The following PIK3C2B variants were observed in gnomAD, a reference collection of about 807,000 sequenced individuals.
PIK3C2B encodes phosphatidylinositol-4-phosphate 3-kinase catalytic subunit type 2 beta.
In PIK3C2B, 83 loss-of-function variants were observed where a neutral mutation model predicts 184.3. The ratio of observed to expected loss-of-function variants is 0.45; its 90% confidence interval spans 0.38 to 0.54. The LOEUF is 0.54. PIK3C2B is among the 20% of genes least tolerant of loss of function. The pLI is 0.00. For missense variants in PIK3C2B, 1,736 were observed against 2,113.5 expected (o/e 0.82, Z 3.50); for synonymous variants, 779 against 837.6 (o/e 0.93, Z 1.21).
At chr1:204,440,450 GC>G in intron 21 of PIK3C2B, 129 bp from the exon 22 acceptor site, 1 of 844,004 alleles carries the variant, frequency 1.2e-6, no homozygotes, top group Non-Finnish European at 1.8e-6. Context: ...CCCCTGACCT[GC>G]TCACTCAGCT....
At chr1:204,442,423 G>A (rs1675715177) in intron 20 of PIK3C2B, 103 bp downstream of exon 20, 23 of 724,364 alleles carry the variant, frequency 3.2e-5, no homozygotes, top group South Asian at 9.9e-5. Flanking sequence ...ACATACTGAC[G>A]CCCAGACAAC....
At chr1:204,487,807 G>T (rs1392582743) in intron 1 of PIK3C2B, among the ~76,000 whole-genome samples, 2 of 152,028 alleles carry the variant, frequency 1.3e-5, no homozygotes, top group Non-Finnish European at 2.9e-5. Flanking sequence ...GAGCTTATAG[G>T]ATTACCCCAC....
rs1403556784 is a variant in PIK3C2B at position 204,433,878 on chromosome 1, C to T, written c.3758G>A (p.Arg1253His). The T allele has an allele frequency of 2.5e-6, 4 of 1,613,970 alleles. No individual in the cohort carries two copies. Among genetic ancestry groups the T allele is most frequent in the South Asian group, 1.1e-5 (1 of 91,062 alleles). The change falls in exon 25 of 33, where the codon CGC becomes CAC. Residue 1253 changes from arginine (R) to histidine (H), a missense_variant. Physicochemically the swap from Arg to His is conservative, Grantham distance 29. Around this residue, in one of 8 missense-constraint regions of PIK3C2B, gnomAD observed 119 missense variants for 179.3 expected, o/e 0.66. Transcript: ENST00000684373. This position sits in a 1 kb window ranked among gnomAD's most constrained non-coding sequence, Gnocchi z 5.0. ...GCAAAGGTCAACAAAATCATGGAAG[C>T]GGCTGGAAGGCTTGTCACCCCCGTT... ...VINGGDKPSS[R>H]FHDFVDLCCQ... is the part of the protein sequence containing the mutation.
Position 204,446,070 on chromosome 1 carries a change from A to G in PIK3C2B, c.2564T>C (p.Leu855Pro). Residue 855 changes from leucine (L) to proline (P), a missense_variant, in exon 16 of 33, where the codon CTG becomes CCG. Coordinates refer to ENST00000684373, the MANE Select transcript of PIK3C2B (RefSeq NM_001377334.1). ...CCAGCTGGGGGCGCTGGCGAGCACC[A>G]GGGGGAGCGAGCTCACCTCCGAGTG... ...YCHSEVSSLP[L>P]VLASAPSWEW... is the part of the protein sequence containing the mutation. 6.2e-7 allele frequency: 1 copy of G among 1,600,126 alleles called. No individual in the cohort carries two copies. The highest frequency in any genetic ancestry group is 8.5e-7 in the Non-Finnish European group (1 of 1,170,830).
intron 13 of PIK3C2B, 123 bp downstream of exon 13, chr1:204,449,727 A>G (rs959741977): frequency 1.2e-6 from 1 of 863,628 alleles, no homozygotes. Flanking sequence ...TCTGGACTTC[A>G]CCAGTGAGCC....
intron 8 of PIK3C2B, 76 bp from the exon 9 acceptor site, chr1:204,457,950 C>T (rs1350544529): frequency 2.2e-6 from 3 of 1,361,680 alleles, no homozygotes; most frequent in Non-Finnish European, 3.1e-6. Context: ...CCACCCCAGT[C>T]TTTAAAGGAA....
chr1:204,445,035 G>A (rs1653731009), intron 16 of PIK3C2B, among the ~76,000 whole-genome samples: 2 of 152,144 alleles, frequency 1.3e-5, no homozygotes, highest in South Asian at 2.1e-4. Flanking sequence ...ATCTAAGACT[G>A]GAAGCCTTGG....
At position 204,424,076 on chromosome 1, in the gene PIK3C2B, C is replaced by G. The variant is rs1674620656; in HGVS notation, c.*776G>C. 2 of 152,956 alleles carry G rather than the reference C, an allele frequency of 1.3e-5. No homozygotes were observed. The highest frequency in any genetic ancestry group is 2.1e-4 in the South Asian group (1 of 4,832). The allele number at this position is 152,956 out of a possible 1,614,324, so 9.5% of individuals were successfully genotyped here. A position where few individuals can be genotyped will look rare whatever the true frequency, so the allele number is the denominator to read the frequency against. On this transcript the variant is annotated 3_prime_UTR_variant, in exon 33 of 33. Coordinates refer to ENST00000684373, the MANE Select transcript of PIK3C2B (RefSeq NM_001377334.1). ...GTAGGGAAGACAAGAGGAAAAGTCC[C>G]CCCAAAAGAGCATGGGTCCCTGAAT...
intron 24 of PIK3C2B, 143 bp from the exon 25 acceptor site, chr1:204,434,092 T>C: frequency 3.0e-6 from 2 of 673,584 alleles, no homozygotes; most frequent in Non-Finnish European, 5.2e-6. Context: ...TCTTTGTTCC[T>C]TTCCTACCTT....
At position 204,447,653 on chromosome 1, in the gene PIK3C2B, C is replaced by T. The variant is rs866652234; in HGVS notation, c.2347-75G>A. ...GGACTCCCAGCTTCTTTCTCTCACC[C>T]CAGCATTCCGGCCTTGTCCCTCCCT... On this transcript the variant is annotated intron_variant, in intron 14 of 32. Coordinates refer to ENST00000684373, the MANE Select transcript of PIK3C2B (RefSeq NM_001377334.1). The surrounding 1 kb of genome is among the most constrained non-coding windows in gnomAD (Gnocchi z 4.1). The T allele has an allele frequency of 9.3e-7, 1 of 1,074,542 alleles. No individual in the cohort carries two copies. Among genetic ancestry groups the T allele is most frequent in the Non-Finnish European group, 1.4e-6 (1 of 716,380 alleles). 66.6% of individuals were successfully genotyped at this position (1,074,542 alleles called of 1,614,324 possible).
chr1:204,429,320 A>G (rs1442434369), intron 29 of PIK3C2B, among the ~76,000 whole-genome samples: 4 of 152,236 alleles, frequency 2.6e-5, no homozygotes, highest in Non-Finnish European at 5.9e-5. Flanking sequence ...TAAAATGGTT[A>G]AGATTATGGT....
chr1:204,465,166 C>A, intron 3 of PIK3C2B, 53 bp downstream of exon 3: 1 of 752,506 alleles, frequency 1.3e-6, no homozygotes, highest in East Asian at 3.2e-5. Flanking sequence ...GGATGGCCCC[C>A]CTCCCCATCC....
rs1485824717 is a variant in PIK3C2B, at chr1:204,464,562, G to C, written c.1077C>G (p.Gly359=). ...GSDIQDYFLT[G]YVWSAVTPSP... ...TAGGGGTGACAGCACTCCAGACATA[G>C]CCAGTGAGGAAGTAGTCTTGGATGT... Residue 359 remains glycine, a synonymous_variant, in exon 4 of 33, where the codon GGC becomes GGG. Transcript: ENST00000684373. 6.2e-7 allele frequency: 1 copy of C among 1,614,060 alleles called. No homozygotes were observed. The highest frequency in any genetic ancestry group is 8.5e-7 in the Non-Finnish European group (1 of 1,179,932).
Position 204,468,935 on chromosome 1 carries a change from C to T in PIK3C2B, c.868G>A (p.Ala290Thr), listed in dbSNP as rs757728026. ...MPPQVPPRTY[A>T]SRYGNRKNAT... ...TTCTTTCGGTTGCCATAGCGGGAGG[C>T]ATAGGTGCGGGGGGGCACCTGAGGG... The change falls in exon 2 of 33, where the codon GCC becomes ACC. Residue 290 changes from alanine (A) to threonine (T), a missense_variant. Around this residue, in one of 8 missense-constraint regions of PIK3C2B, gnomAD observed 404 missense variants for 418.0 expected, o/e 0.97. Transcript: ENST00000684373. 26 of 1,612,356 alleles carry T rather than the reference C, an allele frequency of 1.6e-5. No individual in the cohort carries two copies. In the African/African-American group the frequency reaches 3.1e-4, roughly 19 times the overall value.
rs1252529525 is a variant in PIK3C2B, at chr1:204,447,386, C to CT, written c.2489+49dup. 1.9e-6 allele frequency: 3 copies of CT among 1,577,426 alleles called. No individual in the cohort carries two copies. The highest frequency in any genetic ancestry group is 2.6e-6 in the Non-Finnish European group (3 of 1,151,158). On this transcript the variant is annotated intron_variant, in intron 15 of 32. Coordinates refer to ENST00000684373, the MANE Select transcript of PIK3C2B (RefSeq NM_001377334.1). This position sits in a 1 kb window ranked among gnomAD's most constrained non-coding sequence, Gnocchi z 4.1. ...AAAGCAGGAGGACGGAGACTCAGTGCTGGGAGGTCAGATGAAACATGACAG... is the reference window on the plus strand; with the variant it reads ...AAAGCAGGAGGACGGAGACTCAGTGCTTGGGAGGTCAGATGAAACATGACAG...
intron 31 of PIK3C2B, among the ~76,000 whole-genome samples, chr1:204,426,163 T>C (rs1219973765): frequency 6.6e-6 from 1 of 152,212 alleles, no homozygotes; most frequent in Non-Finnish European, 1.5e-5. Flanking sequence ...CAACTAGTGA[T>C]TCACCCAGCC....
intron 12 of PIK3C2B, among the ~76,000 whole-genome samples, chr1:204,452,161 A>C (rs1379837745): frequency 6.6e-6 from 1 of 152,064 alleles, no homozygotes; most frequent in East Asian, 1.9e-4. Flanking sequence ...CAAGGTGGGG[A>C]TCTCAGGGAA....
chr1:204,425,163 C>T (rs967102892), intron 32 of PIK3C2B, 123 bp from the exon 33 acceptor site: 8 of 707,726 alleles, frequency 1.1e-5, no homozygotes, highest in Non-Finnish European at 1.9e-5. Context: ...AGCACTCACC[C>T]TGCAGAGTCC....
chr1:204,478,512 T>C (rs1468542045), intron 1 of PIK3C2B, among the ~76,000 whole-genome samples: 1 of 152,242 alleles, frequency 6.6e-6, no homozygotes, highest in Non-Finnish European at 1.5e-5. Context: ...CTCTATAAGC[T>C]TTTTTGATGG....
Sources: gnomAD v4.1 joint callset for allele counts (sites outside exome capture counted in the v4.1 genomes callset) on GRCh38, gnomAD v4.1.1 for gene constraint, gnomAD v4.1.1 regional missense constraint, Gnocchi (gnomAD v3.1) non-coding constraint, MANE v1.5 for transcripts, NCBI Gene and HGNC (gene_info 2026-07-23, HGNC 2026-07-21) for gene names.